The following CAMTA1 variants were observed in gnomAD, a reference collection of about 807,000 sequenced individuals.
CAMTA1 encodes the protein calmodulin binding transcription activator 1, also known as calmodulin-binding transcription activator 1.
CAMTA1 carries 27 observed loss-of-function variants against 170.9 expected under a neutral mutation model. The ratio of observed to expected loss-of-function variants is 0.16; its 90% CI spans 0.12 to 0.22. The LOEUF (loss-of-function observed/expected upper bound fraction) is 0.22, where lower values mean the gene tolerates loss of function less well. Ranked by LOEUF, CAMTA1 falls within the 10% of genes least tolerant of loss-of-function variation. CAMTA1 has a pLI of 1.00. For missense variants in CAMTA1, 1,619 were observed against 2,217.2 expected (o/e 0.73, Z 5.42); for synonymous variants, 833 against 891.5 (o/e 0.93, Z 1.17).
In CAMTA1 at chr1:7,482,834, T is replaced by C. The variant is rs573863695; in HGVS notation, c.510+14933T>C. On this transcript the variant is annotated intron_variant, in intron 6 of 22. Coordinates refer to ENST00000303635, the MANE Select transcript of CAMTA1 (RefSeq NM_015215.4). This position sits in a 1 kb window ranked among gnomAD's most constrained non-coding sequence, Gnocchi z 4.2. ...TTTCTCTGCAGCAGAGGAGGTGGCA[T>C]TGGGGTGCAGGCGTCTCCTGTGGAA... Among the ~76,000 whole-genome samples, 49 of 152,242 alleles carry C rather than the reference T, an allele frequency of 3.2e-4. 1 individual carries two copies. Among genetic ancestry groups the C allele is most frequent in the African/African-American group, 9.6e-4 (40 of 41,546 alleles).
At chr1:6,962,897 G>A (rs981514802) in intron 3 of CAMTA1, among the ~76,000 whole-genome samples, 3 of 112,812 alleles carry the variant, frequency 2.7e-5, no homozygotes, top group African/African-American at 1.0e-4. Context: ...CATCCCTTTT[G>A]GTCCCTCCTT....
chr1:7,272,803 G>A (rs984634183), intron 5 of CAMTA1, among the ~76,000 whole-genome samples: 73 of 150,896 alleles, frequency 4.8e-4, no homozygotes, highest in African/African-American at 1.4e-3. Context: ...AATGTTAAGA[G>A]CTGAAACTAT....
chr1:6,984,663 T>G (rs1286395859), intron 3 of CAMTA1, among the ~76,000 whole-genome samples: 4 of 152,068 alleles, frequency 2.6e-5, no homozygotes, highest in African/African-American at 9.7e-5. Flanking sequence ...CCTGGGTGAG[T>G]AGGCTTCAGG....
intron 5 of CAMTA1, among the ~76,000 whole-genome samples, chr1:7,320,440 A>G (rs1009306172): frequency 2.0e-5 from 3 of 152,202 alleles, no homozygotes. Context: ...AATCCACTCT[A>G]GGAAAGACAT....
chr1:7,504,115 T>A (rs2094057771), intron 6 of CAMTA1, among the ~76,000 whole-genome samples: 1 of 152,144 alleles, frequency 6.6e-6, no homozygotes, highest in Non-Finnish European at 1.5e-5. Context: ...GTTCTTAGGA[T>A]ACCATGGCCG....
At chr1:6,827,816 A>T (rs779957703) in intron 3 of CAMTA1, among the ~76,000 whole-genome samples, 46 of 152,180 alleles carry the variant, frequency 3.0e-4, no homozygotes, top group Non-Finnish European at 6.0e-4. Context: ...GACTGCCCTT[A>T]TTAAGAGCCC....
intron 11 of CAMTA1, among the ~76,000 whole-genome samples, chr1:7,713,038 G>A (rs2096583044): frequency 6.6e-6 from 1 of 152,164 alleles, no homozygotes; most frequent in Admixed American, 6.5e-5. Context: ...GATGAGATTT[G>A]GGTGGAAACA....
chr1:6,945,185 G>A (rs2149448733), intron 3 of CAMTA1, among the ~76,000 whole-genome samples: 1 of 152,170 alleles, frequency 6.6e-6, no homozygotes, highest in East Asian at 1.9e-4. Flanking sequence ...CAGCTTTATT[G>A]TGATATAATT....
intron 5 of CAMTA1, among the ~76,000 whole-genome samples, chr1:7,387,167 A>G (rs2088104312): frequency 6.6e-6 from 1 of 151,264 alleles, no homozygotes; most frequent in Admixed American, 6.6e-5. Flanking sequence ...CCACAAATCC[A>G]TTACTCCAGA....
intron 10 of CAMTA1, among the ~76,000 whole-genome samples, chr1:7,675,268 C>T (rs902486822): frequency 1.3e-5 from 2 of 152,050 alleles, no homozygotes; most frequent in Non-Finnish European, 2.9e-5. Context: ...GAGTGGGGTA[C>T]GGGGAGCTGA....
intron 9 of CAMTA1, among the ~76,000 whole-genome samples, chr1:7,669,026 G>A (rs767201819): frequency 6.6e-6 from 1 of 152,172 alleles, no homozygotes; most frequent in Non-Finnish European, 1.5e-5. Context: ...CTTCCACGGA[G>A]CTGCAAATAT....
intron 3 of CAMTA1, among the ~76,000 whole-genome samples, chr1:6,956,489 T>A (rs944789572): frequency 6.6e-6 from 1 of 152,182 alleles, no homozygotes; most frequent in East Asian, 1.9e-4. Flanking sequence ...AATTACAGTA[T>A]AGTTGTGAGA....
rs139397172 is a variant in CAMTA1 at position 7,680,872 on chromosome 1, A to T, written c.2914+3139A>T. Reference sequence around the variant, plus strand: ...CGCGCGCGCGCGCGCCAGCAGCAGCAGCAGCAGCAGCTGCTGCGGCGAAGT... The same window carrying T: ...CGCGCGCGCGCGCGCCAGCAGCAGCTGCAGCAGCAGCTGCTGCGGCGAAGT... On this transcript the variant is annotated intron_variant, in intron 11 of 22. Transcript: ENST00000303635. This position sits in a 1 kb window ranked among gnomAD's most constrained non-coding sequence, Gnocchi z 4.4. 5.3e-4 allele frequency among the ~76,000 whole-genome samples: 78 copies of T among 146,338 alleles called. No homozygotes were observed. The South Asian group carries it at 8.1e-3, about 15-fold the overall frequency.
chr1:7,661,560 C>T (rs1304151391), intron 7 of CAMTA1, among the ~76,000 whole-genome samples, 166 bp from the exon 8 acceptor site: 1 of 152,124 alleles, frequency 6.6e-6, no homozygotes, highest in Non-Finnish European at 1.5e-5. Context: ...GGCAGCCTGG[C>T]CTCCCTTCCC....
At position 7,467,936 on chromosome 1, in the gene CAMTA1, T is replaced by C. The variant is rs1201529; in HGVS notation, c.510+35T>C. Reference sequence around the variant, plus strand: ...TGGGACTGGATTCTTCTTCTGTCTCTGGTGCTCGGGAAGGGTCTGTGGAGG... The same window carrying C: ...TGGGACTGGATTCTTCTTCTGTCTCCGGTGCTCGGGAAGGGTCTGTGGAGG... On this transcript the variant is annotated intron_variant, in intron 6 of 22. Coordinates refer to ENST00000303635, the MANE Select transcript of CAMTA1 (RefSeq NM_015215.4). 0.54 allele frequency: 847,624 copies of C among 1,571,446 alleles called. 235,534 individuals carry two copies. The highest frequency in any genetic ancestry group is 0.66 in the African/African-American group (49,108 of 74,008).
At chr1:7,693,028 C>G (rs534229865) in intron 11 of CAMTA1, 1 of 152,382 alleles carries the variant, frequency 6.6e-6, no homozygotes, top group Admixed American at 6.5e-5. Context: ...AATGTGTGCT[C>G]ATAGGAGTGC....
At chr1:7,239,096 A>T (rs2149249734) in intron 4 of CAMTA1, among the ~76,000 whole-genome samples, 1 of 152,180 alleles carries the variant, frequency 6.6e-6, no homozygotes, top group East Asian at 1.9e-4. Context: ...TATTTCATCC[A>T]TACTCTCCCA....
At chr1:7,467,927 T>C in intron 6 of CAMTA1, 26 bp downstream of exon 6, 1 of 1,596,546 alleles carries the variant, frequency 6.3e-7, no homozygotes. Context: ...TGGATTCTTC[T>C]TCTGTCTCTG....
intron 3 of CAMTA1, among the ~76,000 whole-genome samples, chr1:7,027,883 ATAT>A (rs1033936366): frequency 6.6e-6 from 1 of 151,232 alleles, no homozygotes; most frequent in African/African-American, 2.4e-5. Context: ...CCAACCAGAG[ATAT>A]TATTTCTTTT....
Sources: allele counts gnomAD v4.1 joint callset (sites outside exome capture counted in the v4.1 genomes callset), GRCh38; gene constraint gnomAD v4.1.1; non-coding constraint Gnocchi (gnomAD v3.1); transcripts MANE v1.5; gene names NCBI Gene and HGNC (gene_info 2026-07-23, HGNC 2026-07-21).